Variants in AGBL1 observed in about 807,000 individuals in gnomAD.
The protein encoded by AGBL1 is cytosolic carboxypeptidase 4.
Under a neutral mutation model 118.9 loss-of-function variants are expected in AGBL1, and 130 were observed. That is an observed-to-expected ratio of 1.09 (90% confidence interval 0.95 to 1.26). The LOEUF (loss-of-function observed/expected upper bound fraction) is 1.26. Ranked by LOEUF, AGBL1 falls within the 50% of genes most tolerant of loss-of-function variation. AGBL1 has a pLI of 0.00. For missense variants in AGBL1, 1,584 were observed against 1,298.1 expected (o/e 1.22, Z -3.38); for synonymous variants, 555 against 478.9 (o/e 1.16, Z -2.08).
chr15:86,921,964 C>T (rs2141620765), intron 23 of AGBL1, among the ~76,000 whole-genome samples: 1 of 152,244 alleles, frequency 6.6e-6, no homozygotes, highest in Admixed American at 6.5e-5. Flanking sequence ...TGGGACTCTG[C>T]TTCCTGCACA....
intron 17 of AGBL1, among the ~76,000 whole-genome samples, chr15:86,347,967 T>C (rs1326032113): frequency 6.6e-6 from 1 of 152,240 alleles, no homozygotes; most frequent in Non-Finnish European, 1.5e-5. Flanking sequence ...TGCTTTAATT[T>C]AATAAACTAT....
At chr15:86,755,537 G>A (rs1393400951) in intron 22 of AGBL1, among the ~76,000 whole-genome samples, 1 of 152,038 alleles carries the variant, frequency 6.6e-6, no homozygotes, top group African/African-American at 2.4e-5. Flanking sequence ...CAGATATAAC[G>A]TACCGTTCAT....
intron 22 of AGBL1, among the ~76,000 whole-genome samples, chr15:86,814,693 A>G (rs1349669875): frequency 6.6e-6 from 1 of 152,170 alleles, no homozygotes; most frequent in African/African-American, 2.4e-5. Context: ...TGGAGCTGCC[A>G]TATCAGGCCA....
rs1260137353 is a variant in AGBL1 at position 86,524,247 on chromosome 15, T to C, written c.2685+1308T>C. On this transcript the variant is annotated intron_variant, in intron 19 of 22. Coordinates refer to ENST00000614907, the MANE Select transcript of AGBL1 (RefSeq NM_001386094.1). ...AACATAGCCTCTCTTCATTACTTACTGTTGAAAGCGTGTGTTGGGGAGCTC... is the reference window on the plus strand; with the variant it reads ...AACATAGCCTCTCTTCATTACTTACCGTTGAAAGCGTGTGTTGGGGAGCTC... 2.0e-5 allele frequency among the ~76,000 whole-genome samples: 3 copies of C among 152,232 alleles called. No individual in the cohort carries two copies. The East Asian group carries it at 5.8e-4, about 29-fold the overall frequency.
chr15:86,331,607 A>T (rs996670848), intron 17 of AGBL1, among the ~76,000 whole-genome samples: 1 of 152,020 alleles, frequency 6.6e-6, no homozygotes, highest in African/African-American at 2.4e-5. Flanking sequence ...CAGACTTCAC[A>T]GCAGAAACTT....
chr15:86,858,318 G>A (rs2079513261), intron 22 of AGBL1, among the ~76,000 whole-genome samples: 1 of 152,172 alleles, frequency 6.6e-6, no homozygotes, highest in South Asian at 2.1e-4. Context: ...GTGTCATGGG[G>A]CCTTGTGGAA....
At chr15:87,014,400 C>T (rs1324933218) in intron 24 of AGBL1, among the ~76,000 whole-genome samples, 1 of 152,172 alleles carries the variant, frequency 6.6e-6, no homozygotes, top group Admixed American at 6.6e-5. Context: ...ACTTTATCTG[C>T]TATATCTGTG....
chr15:86,586,269 A>G (rs1308863544), intron 21 of AGBL1, among the ~76,000 whole-genome samples: 1 of 152,204 alleles, frequency 6.6e-6, no homozygotes, highest in African/African-American at 2.4e-5. Flanking sequence ...AACATTCATA[A>G]CTGAATGATA....
chr15:86,792,335 A>C (rs2078506164), intron 22 of AGBL1, among the ~76,000 whole-genome samples: 1 of 152,086 alleles, frequency 6.6e-6, no homozygotes, highest in African/African-American at 2.4e-5. Context: ...TAATTTGTTT[A>C]TTAGCAAGGA....
chr15:86,573,135 G>A (rs1471136301), intron 21 of AGBL1, among the ~76,000 whole-genome samples: 1 of 152,178 alleles, frequency 6.6e-6, no homozygotes, highest in Non-Finnish European at 1.5e-5. Context: ...TTTGTTTTAA[G>A]CTGAAGTTTG....
intron 17 of AGBL1, among the ~76,000 whole-genome samples, chr15:86,310,135 G>A (rs2079898163): frequency 6.6e-6 from 1 of 152,030 alleles, no homozygotes; most frequent in South Asian, 2.1e-4. Context: ...AATATTTTCT[G>A]TTTCTTCATG....
At chr15:86,429,266 G>A (rs2081904366) in intron 18 of AGBL1, among the ~76,000 whole-genome samples, 3 of 152,182 alleles carry the variant, frequency 2.0e-5, no homozygotes, top group South Asian at 4.1e-4. Flanking sequence ...GCCAAATGTG[G>A]GATCTTGGCC....
At chr15:86,750,768 T>G (rs780548775) in intron 22 of AGBL1, among the ~76,000 whole-genome samples, 29 of 152,088 alleles carry the variant, frequency 1.9e-4, no homozygotes, top group Non-Finnish European at 2.8e-4. Context: ...TTAGTTATTT[T>G]TTCTCGTCCT....
intron 22 of AGBL1, among the ~76,000 whole-genome samples, chr15:86,866,330 A>T (rs1202199698): frequency 6.6e-6 from 1 of 152,186 alleles, no homozygotes; most frequent in Non-Finnish European, 1.5e-5. Context: ...CTTCAGTTCC[A>T]TTGATGGCCT....
chr15:86,814,628 A>T (rs1470921897), intron 22 of AGBL1, among the ~76,000 whole-genome samples: 1 of 152,052 alleles, frequency 6.6e-6, no homozygotes, highest in Non-Finnish European at 1.5e-5. Context: ...AAGAGTTGGG[A>T]CTCTGAAGTC....
intron 6 of AGBL1, among the ~76,000 whole-genome samples, chr15:86,236,438 G>C (rs1287669245): frequency 6.6e-6 from 1 of 151,928 alleles, no homozygotes; most frequent in African/African-American, 2.4e-5. Flanking sequence ...GGAAGCATTG[G>C]GGTCACATAT....
intron 22 of AGBL1, among the ~76,000 whole-genome samples, chr15:86,776,750 ATGTGTGTGTGTGTGTGTGTGTGTG>A (rs10570012): frequency 4.3e-5 from 6 of 139,732 alleles, no homozygotes; most frequent in South Asian, 2.3e-4. Context: ...ATATATATAT[ATGTGTGTGTGTGTGTGTGTGTGTG>A]TGTGTGTGTG....
Position 86,980,885 on chromosome 15 carries a change from C to CTTTTTT in AGBL1, c.3222-7088_3222-7083dup, listed in dbSNP as rs36077192. On this transcript the variant is annotated intron_variant, in intron 23 of 24. Transcript: ENST00000441037. The stretch of plus-strand genomic sequence containing the variant: ...ATATAAATAGTGCTTCAGAAACATC[C>CTTTTTT]TTTTTTTTTTTTTTTTTTTGAGACA... 1.2e-4 allele frequency among the ~76,000 whole-genome samples: 14 copies of CTTTTTT among 118,986 alleles called. 1 individual carries two copies. Among genetic ancestry groups the CTTTTTT allele is most frequent in the Admixed American group, 1.9e-4 (2 of 10,686 alleles). The allele number at this position is 118,986 out of a possible 152,430, so 78.1% of individuals were successfully genotyped here.
In AGBL1 at chr15:86,707,033, T is replaced by A. The variant is rs146757869; in HGVS notation, c.3158+32597T>A. ...GATAATGATGATGCAACATGAATCA[T>A]ATAATGTGAACAACTCAACATTCTG... On this transcript the variant is annotated intron_variant, in intron 22 of 22. Transcript: ENST00000614907. Among the ~76,000 whole-genome samples the A allele has an allele frequency of 1.7e-3, 262 of 152,274 alleles. 2 individuals are homozygous for A. In the East Asian group the frequency reaches 0.021, roughly 12 times the overall value.
Sources: gnomAD v4.1 joint callset for allele counts (sites outside exome capture counted in the v4.1 genomes callset) on GRCh38, gnomAD v4.1.1 for gene constraint, MANE v1.5 for transcripts, NCBI Gene and HGNC (gene_info 2026-07-23, HGNC 2026-07-21) for gene names.